The following TENM4 variants were observed in gnomAD, a reference collection of about 807,000 sequenced individuals.
The protein encoded by TENM4 is teneurin transmembrane protein 4.
In TENM4, 82 loss-of-function variants were observed where a neutral mutation model predicts 243.3. That is an observed-to-expected ratio of 0.34 (90% CI 0.28 to 0.40). The LOEUF (loss-of-function observed/expected upper bound fraction) is 0.40. TENM4 is among the 10% of genes least tolerant of loss of function. TENM4 has a pLI of 1.00. For missense variants in TENM4, 3,138 were observed against 3,673.3 expected (o/e 0.85, Z 3.77); for synonymous variants, 1,412 against 1,456.3 (o/e 0.97, Z 0.69).
intron 6 of TENM4, among the ~76,000 whole-genome samples, chr11:79,049,334 G>A (rs1381608097): frequency 6.6e-6 from 1 of 152,158 alleles, no homozygotes; most frequent in African/African-American, 2.4e-5. Context: ...CACTAGCAGT[G>A]CGCTCTAACA....
intron 8 of TENM4, among the ~76,000 whole-genome samples, chr11:78,890,930 C>G (rs1302041410): frequency 2.0e-5 from 3 of 152,224 alleles, no homozygotes; most frequent in African/African-American, 7.2e-5. Flanking sequence ...AGAATACACA[C>G]TCAGGGCCAG....
chr11:78,939,301 C>T (rs1365196073), intron 6 of TENM4, among the ~76,000 whole-genome samples: 1 of 152,200 alleles, frequency 6.6e-6, no homozygotes, highest in Admixed American at 6.5e-5. Context: ...CATGTCAGAG[C>T]TCCTTGATGG....
intron 3 of TENM4, among the ~76,000 whole-genome samples, chr11:79,158,969 T>C (rs540578309): frequency 4.6e-5 from 7 of 152,280 alleles, no homozygotes; most frequent in African/African-American, 1.7e-4. Context: ...CAGTGCTCAC[T>C]GAAAAGCCCC....
At chr11:79,201,517 T>A (rs76218351) in intron 3 of TENM4, among the ~76,000 whole-genome samples, 1 of 130,252 alleles carries the variant, frequency 7.7e-6, no homozygotes, top group Non-Finnish European at 1.7e-5. Flanking sequence ...AAAAAAAAAA[T>A]TCTGAAAATC....
In TENM4 at chr11:78,831,489, T is replaced by A. The variant is rs1057209996; in HGVS notation, c.1682-17094A>T. Among the ~76,000 whole-genome samples the A allele has an allele frequency of 2.6e-5, 4 of 152,232 alleles. No individual in the cohort carries two copies. In the East Asian group the frequency reaches 7.7e-4, roughly 29 times the overall value. On this transcript the variant is annotated intron_variant, in intron 12 of 33. Coordinates refer to ENST00000278550, the MANE Select transcript of TENM4 (RefSeq NM_001098816.3). ...TAATAAATGCGTAAAGCCCAGATGA[T>A]GGAGCAACATCTCAGGGAAGGCGAG...
chr11:78,786,847 A>C, intron 16 of TENM4, 51 bp downstream of exon 16: 1 of 1,563,804 alleles, frequency 6.4e-7, no homozygotes. Flanking sequence ...CCAACAGACA[A>C]AGATGTCCTG....
rs187531680 is a variant in TENM4 at position 79,099,049 on chromosome 11, G to A, written c.-65-29040C>T. On this transcript the variant is annotated intron_variant, in intron 4 of 33. Transcript: ENST00000278550. Reference sequence around the variant, plus strand: ...AAATATACGCATTTTTTTCTGCTGAGCTAAAACCTGACTTACGGTAACTCA... The same window carrying A: ...AAATATACGCATTTTTTTCTGCTGAACTAAAACCTGACTTACGGTAACTCA... Among the ~76,000 whole-genome samples the A allele has an allele frequency of 3.3e-3, 498 of 152,226 alleles. 6 individuals are homozygous for A. Among genetic ancestry groups the A allele is most frequent in the South Asian group, 0.03 (146 of 4,820 alleles).
chr11:79,177,502 A>C (rs778601529), intron 3 of TENM4, among the ~76,000 whole-genome samples: 4 of 152,156 alleles, frequency 2.6e-5, no homozygotes, highest in African/African-American at 9.7e-5. Flanking sequence ...AGGGATCAAG[A>C]ATAAACAGAC....
intron 3 of TENM4, among the ~76,000 whole-genome samples, chr11:79,171,084 A>T (rs1188392804): frequency 1.3e-5 from 2 of 152,214 alleles, no homozygotes; most frequent in African/African-American, 4.8e-5. Flanking sequence ...ACATAAGCAC[A>T]GAGGTAGAAG....
chr11:78,910,832 CTA>C (rs1856168788), intron 6 of TENM4, among the ~76,000 whole-genome samples: 1 of 152,172 alleles, frequency 6.6e-6, no homozygotes, highest in East Asian at 1.9e-4. Context: ...CACTTTAGTC[CTA>C]TGTCACGGCC....
intron 23 of TENM4, among the ~76,000 whole-genome samples, chr11:78,724,991 G>T (rs1855481149): frequency 6.6e-6 from 1 of 152,222 alleles, no homozygotes; most frequent in Non-Finnish European, 1.5e-5. Flanking sequence ...CTCCAGACTT[G>T]CAGAGTGAGA....
At chr11:78,736,625 T>C (rs1455455924) in intron 20 of TENM4, among the ~76,000 whole-genome samples, 1 of 152,160 alleles carries the variant, frequency 6.6e-6, no homozygotes, top group Non-Finnish European at 1.5e-5. Flanking sequence ...CTTAGTCTTA[T>C]GGTTTTTCGT....
chr11:79,090,384 T>C (rs926847707), intron 4 of TENM4, among the ~76,000 whole-genome samples: 2 of 152,272 alleles, frequency 1.3e-5, no homozygotes, highest in East Asian at 3.8e-4. Context: ...GCGTGACTGA[T>C]GCTTCCTGCT....
chr11:78,752,907 T>G (rs565211157), intron 19 of TENM4, among the ~76,000 whole-genome samples: 18 of 152,292 alleles, frequency 1.2e-4, no homozygotes, highest in African/African-American at 4.1e-4. Context: ...TTAATTAACA[T>G]CATCATCACC....
At chr11:79,138,419 T>C (rs1484681105) in intron 4 of TENM4, among the ~76,000 whole-genome samples, 1 of 114,748 alleles carries the variant, frequency 8.7e-6, no homozygotes, top group Non-Finnish European at 1.6e-5. Flanking sequence ...AAATATATAT[T>C]ATATTATATA....
At chr11:79,175,435 A>G (rs1009509295) in intron 3 of TENM4, among the ~76,000 whole-genome samples, 1 of 152,224 alleles carries the variant, frequency 6.6e-6, no homozygotes, top group Non-Finnish European at 1.5e-5. Context: ...AAAGGAGGAA[A>G]CAATCTAAAT....
At chr11:78,919,391 TCTC>T (rs1342144212) in intron 6 of TENM4, among the ~76,000 whole-genome samples, 1 of 150,892 alleles carries the variant, frequency 6.6e-6, no homozygotes, top group Non-Finnish European at 1.5e-5. Context: ...TGATTCTTCT[TCTC>T]TGTCCTGCCC....
chr11:78,740,471 C>T (rs896690866), intron 19 of TENM4, among the ~76,000 whole-genome samples: 6 of 151,762 alleles, frequency 4.0e-5, no homozygotes, highest in African/African-American at 9.7e-5. Flanking sequence ...ACAAGTTAAG[C>T]GGGTGAGGCT....
intron 9 of TENM4, among the ~76,000 whole-genome samples, chr11:78,878,270 G>A (rs1295107690): frequency 6.6e-6 from 1 of 152,056 alleles, no homozygotes; most frequent in East Asian, 1.9e-4. Flanking sequence ...CATCACGCCA[G>A]ACCCGGCACA....
Sources: gnomAD v4.1 joint callset for allele counts (sites outside exome capture counted in the v4.1 genomes callset) on GRCh38, gnomAD v4.1.1 for gene constraint, MANE v1.5 for transcripts, NCBI Gene and HGNC (gene_info 2026-07-23, HGNC 2026-07-21) for gene names.